Variants in GCNT1 observed in about 807,000 individuals in gnomAD.
GCNT1 encodes glucosaminyl (N-acetyl) transferase 1.
A neutral mutation model predicts 26.2 loss-of-function variants in GCNT1; 16 were observed. The ratio of observed to expected loss-of-function variants is 0.61; its 90% confidence interval spans 0.41 to 0.93. The LOEUF is 0.93. GCNT1 is among the 40% of genes least tolerant of loss of function. The pLI is 0.00. For missense variants in GCNT1, 477 were observed against 526.7 expected (o/e 0.91, Z 0.92); for synonymous variants, 183 against 190.8 (o/e 0.96, Z 0.34).
chr9:76,427,007 C>T (rs1587405254), intron 1 of GCNT1, among the ~76,000 whole-genome samples: 2 of 152,152 alleles, frequency 1.3e-5, no homozygotes, highest in East Asian at 3.8e-4. Context: ...CCTAGTTCCT[C>T]AGAATTGACT....
At chr9:76,464,061 T>A (rs1392636365) in intron 2 of GCNT1, among the ~76,000 whole-genome samples, 8 of 133,240 alleles carry the variant, frequency 6.0e-5, no homozygotes, top group East Asian at 2.2e-4. Context: ...TTTGTAAAAA[T>A]AATAATAAAA....
rs546314870 is a variant in GCNT1, at chr9:76,502,948, G to A, written c.567G>A (p.Ser189=). 36 of 1,612,810 alleles carry A rather than the reference G, an allele frequency of 2.2e-5. No homozygotes were observed. The Admixed American group carries it at 2.7e-4, about 12-fold the overall frequency. The change falls in exon 4 of 4, where the codon TCG becomes TCA. Residue 189 remains serine (S), a synonymous_variant. Transcript: ENST00000376730. The part of the protein sequence containing the change: ...ASRLESVVYA[S]WSRVQADLNC... ...GATTGGAGAGTGTGGTTTATGCATC[G>A]TGGAGCCGGGTTCAGGCTGACCTCA...
chr9:76,477,604 G>A (rs112374317), intron 2 of GCNT1, among the ~76,000 whole-genome samples: 1 of 151,760 alleles, frequency 6.6e-6, no homozygotes, highest in Non-Finnish European at 1.5e-5. Flanking sequence ...TAGTCACGTC[G>A]TAGTAAGACA....
intron 2 of GCNT1, among the ~76,000 whole-genome samples, chr9:76,492,491 T>C (rs1296429245): frequency 6.6e-6 from 1 of 151,614 alleles, no homozygotes; most frequent in Non-Finnish European, 1.5e-5. Context: ...GCCGCACCAG[T>C]GTCCAGGAGG....
At chr9:76,474,839 C>T (rs552979227) in intron 2 of GCNT1, among the ~76,000 whole-genome samples, 7 of 152,228 alleles carry the variant, frequency 4.6e-5, no homozygotes, top group Non-Finnish European at 8.8e-5. Context: ...TTTGAATAAA[C>T]ATCCCCTCTC....
At position 76,492,198 on chromosome 9, in the gene GCNT1, C is replaced by T. The variant is rs140517571; in HGVS notation, c.-289-8718C>T. Among the ~76,000 whole-genome samples the T allele has an allele frequency of 3.0e-4, 46 of 152,188 alleles. No individual in the cohort carries two copies. The East Asian group carries it at 7.9e-3, about 26-fold the overall frequency. ...GAGCTTGAGTTTGTTCCTTCCAATG[C>T]CCAGACTTCAGGGTTGATTCCCTCC... is the stretch of plus-strand genomic sequence containing the variant. On this transcript the variant is annotated intron_variant, in intron 2 of 3. Coordinates refer to ENST00000376730, the MANE Select transcript of GCNT1 (RefSeq NM_001490.5).
the GCNT1 span, among the ~76,000 whole-genome samples, chr9:76,405,396 T>C: frequency 1.3e-5 from 2 of 152,116 alleles, no homozygotes; most frequent in South Asian, 4.1e-4. Context: ...TGATGTAATA[T>C]CACCCCAAGT....
Position 76,503,795 on chromosome 9 carries a change from T to A in GCNT1, c.*127T>A. ...TTTGGGGCAGGGACTCTAGTAGATC[T>A]TCTTGTCAGAGAAGCTGCATGGTTT... On this transcript the variant is annotated 3_prime_UTR_variant, in exon 4 of 4. Coordinates refer to ENST00000376730, the MANE Select transcript of GCNT1 (RefSeq NM_001490.5). 2 of 722,202 alleles carry A rather than the reference T, an allele frequency of 2.8e-6. No individual in the cohort carries two copies. The highest frequency in any genetic ancestry group is 4.8e-6 in the Non-Finnish European group (2 of 413,318). 44.7% of individuals were successfully genotyped at this position (722,202 alleles called of 1,614,324 possible).
chr9:76,421,332 G>A (rs1564218367), intron 1 of GCNT1, among the ~76,000 whole-genome samples: 1 of 152,036 alleles, frequency 6.6e-6, no homozygotes, highest in Non-Finnish European at 1.5e-5. Context: ...GGGCACAGTG[G>A]CTCACACCTG....
At chr9:76,436,964 G>A (rs149682194), upstream of GCNT1, among the ~76,000 whole-genome samples, 527 of 152,204 alleles carry the variant, frequency 3.5e-3, 2 homozygotes, top group Middle Eastern at 0.02. Flanking sequence ...GTCGTGGGGT[G>A]TGGGGAGGGG....
At chr9:76,482,658 C>G (rs1473767389) in intron 2 of GCNT1, among the ~76,000 whole-genome samples, 3 of 151,742 alleles carry the variant, frequency 2.0e-5, no homozygotes, top group Non-Finnish European at 4.4e-5. Flanking sequence ...TTTTTTTATC[C>G]TTTTGAGACA....
intron 2 of GCNT1, among the ~76,000 whole-genome samples, chr9:76,481,642 T>C (rs922373086): frequency 1.8e-4 from 27 of 152,172 alleles, no homozygotes; most frequent in African/African-American, 6.3e-4. Flanking sequence ...GTTCTTATTT[T>C]AATTAGAGTT....
At chr9:76,416,403 C>G (rs1823133152), upstream of GCNT1, among the ~76,000 whole-genome samples, 1 of 152,196 alleles carries the variant, frequency 6.6e-6, no homozygotes, top group African/African-American at 2.4e-5. Flanking sequence ...ACCAAGAGGG[C>G]AGAGAGTAAA....
At chr9:76,458,772 A>G (rs1021963830), upstream of GCNT1, among the ~76,000 whole-genome samples, 4 of 152,212 alleles carry the variant, frequency 2.6e-5, 1 homozygote, top group Non-Finnish European at 5.9e-5. Flanking sequence ...AAGGTTCGTT[A>G]GGGGAGAGAA....
chr9:76,488,551 C>G (rs745310214), intron 2 of GCNT1, among the ~76,000 whole-genome samples: 13 of 152,158 alleles, frequency 8.5e-5, no homozygotes, highest in Non-Finnish European at 1.9e-4. Context: ...ATGGCACAGT[C>G]TCCGCTCACT....
the GCNT1 span, among the ~76,000 whole-genome samples, chr9:76,409,505 G>A: frequency 6.6e-6 from 1 of 152,164 alleles, no homozygotes; most frequent in Non-Finnish European, 1.5e-5. Flanking sequence ...GAGTGTGGTG[G>A]TGCAATCTTG....
intron 1 of GCNT1, among the ~76,000 whole-genome samples, chr9:76,431,682 G>A (rs1017131947): frequency 5.9e-5 from 9 of 152,256 alleles, no homozygotes; most frequent in African/African-American, 2.2e-4. Context: ...TTTGGAAGTC[G>A]GGAGGTCAGG....
intron 2 of GCNT1, among the ~76,000 whole-genome samples, chr9:76,463,826 A>C (rs1823932756): frequency 6.6e-6 from 1 of 152,150 alleles, no homozygotes; most frequent in Non-Finnish European, 1.5e-5. Flanking sequence ...TTAGGGGAGC[A>C]TGTGACCTTG....
At position 76,497,713 on chromosome 9, in the gene GCNT1, C is replaced by T. The variant is rs1824947199; in HGVS notation, c.-289-3203C>T. Among the ~76,000 whole-genome samples the T allele has an allele frequency of 2.6e-5, 4 of 152,060 alleles. No individual in the cohort carries two copies. The South Asian group carries it at 6.2e-4, about 24-fold the overall frequency. On this transcript the variant is annotated intron_variant, in intron 2 of 3. Coordinates refer to ENST00000376730, the MANE Select transcript of GCNT1 (RefSeq NM_001490.5). ...TTTCGAGGTGACCCTTTCATGTACCCACATTCCATAAAATCCTGTTTAAGA... is the reference window on the plus strand; with the variant it reads ...TTTCGAGGTGACCCTTTCATGTACCTACATTCCATAAAATCCTGTTTAAGA...
Sources: gnomAD v4.1 joint callset for allele counts (sites outside exome capture counted in the v4.1 genomes callset) on GRCh38, gnomAD v4.1.1 for gene constraint, MANE v1.5 for transcripts, NCBI Gene and HGNC (gene_info 2026-07-23, HGNC 2026-07-21) for gene names.